Variants in TMEM132B observed in about 807,000 individuals in gnomAD.
TMEM132B encodes transmembrane protein 132B.
In TMEM132B, 18 loss-of-function variants were observed where a neutral mutation model predicts 90.8. That is an observed-to-expected ratio of 0.20 (90% CI 0.14 to 0.29). The LOEUF (loss-of-function observed/expected upper bound fraction) is 0.29, where lower values mean the gene tolerates loss of function less well. Among genes scored for constraint, TMEM132B ranks in the 10% least tolerant of loss-of-function variants. The probability of loss-of-function intolerance (pLI) is 1.00; values close to 1 mark genes in which losing one functional copy is unlikely to be tolerated. For synonymous variants in TMEM132B, 504 were observed against 523.3 expected (o/e 0.96, Z 0.50); for missense variants, 1,096 against 1,326.8 (o/e 0.83, Z 2.70).
At chr12:125,336,964 T>C (rs947027774) in intron 1 of TMEM132B, among the ~76,000 whole-genome samples, 1 of 152,180 alleles carries the variant, frequency 6.6e-6, no homozygotes, top group Non-Finnish European at 1.5e-5. Context: ...TATAACAAGG[T>C]CATCAAAATT....
intron 1 of TMEM132B, among the ~76,000 whole-genome samples, chr12:125,282,415 C>T (rs570813360): frequency 3.7e-4 from 56 of 152,304 alleles, no homozygotes; most frequent in African/African-American, 1.3e-3. Context: ...CCAACCCACC[C>T]CTGCCCTAAC....
chr12:125,293,083 G>A (rs191539448), intron 1 of TMEM132B, among the ~76,000 whole-genome samples: 2 of 152,292 alleles, frequency 1.3e-5, no homozygotes, highest in East Asian at 1.9e-4. Context: ...CTATGGGGCT[G>A]GCTCCTTTCA....
intron 5 of TMEM132B, among the ~76,000 whole-genome samples, chr12:125,603,004 A>G (rs745987762): frequency 6.6e-6 from 1 of 152,222 alleles, no homozygotes; most frequent in Non-Finnish European, 1.5e-5. Flanking sequence ...ATAGAGAGAA[A>G]CAATATCGTG....
intron 5 of TMEM132B, among the ~76,000 whole-genome samples, chr12:125,642,316 G>A (rs908135984): frequency 6.6e-6 from 1 of 152,208 alleles, no homozygotes; most frequent in African/African-American, 2.4e-5. Flanking sequence ...GCACAATGAA[G>A]CAGATTTAAC....
rs1326207856 is a variant in TMEM132B, at chr12:125,290,629, AT to A, written c.68-58821del. Among the ~76,000 whole-genome samples, 12 of 152,274 alleles carry A rather than the reference AT, an allele frequency of 7.9e-5. 1 individual carries two copies. In the East Asian group the frequency reaches 2.3e-3, roughly 29 times the overall value. ...GTGGGACTCATCTGTGCTGATCTAT[AT>A]TGCTGTAGTTTATTTCACTGCTGCA... On this transcript the variant is annotated intron_variant, in intron 1 of 8. Coordinates refer to ENST00000682704, the MANE Select transcript of TMEM132B (RefSeq NM_001366854.1).
At chr12:125,578,358 T>A (rs1171417508) in intron 4 of TMEM132B, among the ~76,000 whole-genome samples, 1 of 152,200 alleles carries the variant, frequency 6.6e-6, no homozygotes, top group Non-Finnish European at 1.5e-5. Flanking sequence ...TTCATCTTTG[T>A]GTCTGTTTTT....
intron 5 of TMEM132B, among the ~76,000 whole-genome samples, chr12:125,620,021 T>A (rs1023229304): frequency 5.3e-5 from 8 of 152,202 alleles, no homozygotes; most frequent in African/African-American, 1.9e-4. Context: ...CTGGGACTTC[T>A]GTTTAGTCAT....
chr12:125,198,607 C>T (rs983114985), intron 1 of TMEM132B, among the ~76,000 whole-genome samples: 30 of 152,180 alleles, frequency 2.0e-4, no homozygotes, highest in African/African-American at 7.2e-4. Context: ...GGAATCTGAT[C>T]GACCATACTT....
intron 3 of TMEM132B, among the ~76,000 whole-genome samples, chr12:125,514,175 G>A (rs1883048346): frequency 6.6e-6 from 1 of 152,110 alleles, no homozygotes; most frequent in African/African-American, 2.4e-5. Flanking sequence ...GTCGCTTCTT[G>A]TCTCCCAGAA....
At chr12:125,568,959 G>T (rs1884725846) in intron 4 of TMEM132B, among the ~76,000 whole-genome samples, 1 of 152,174 alleles carries the variant, frequency 6.6e-6, no homozygotes, top group Non-Finnish European at 1.5e-5. Context: ...TTCCCACCCA[G>T]TTCTCTGGGG....
intron 1 of TMEM132B, among the ~76,000 whole-genome samples, chr12:125,289,157 T>G (rs933216376): frequency 6.6e-6 from 1 of 152,218 alleles, no homozygotes; most frequent in Non-Finnish European, 1.5e-5. Flanking sequence ...TTCTGACCCC[T>G]TCCTGGCTGA....
At chr12:125,227,345 C>G (rs557080831) in intron 1 of TMEM132B, among the ~76,000 whole-genome samples, 2 of 152,206 alleles carry the variant, frequency 1.3e-5, no homozygotes, top group East Asian at 3.9e-4. Flanking sequence ...CTTCATTATC[C>G]CCATTTTATA....
intron 2 of TMEM132B, among the ~76,000 whole-genome samples, chr12:125,411,659 C>T (rs1482772067): frequency 6.6e-6 from 1 of 151,898 alleles, no homozygotes; most frequent in Non-Finnish European, 1.5e-5. Flanking sequence ...CTCCAGTTGA[C>T]CGGGGGAAGG....
intron 1 of TMEM132B, among the ~76,000 whole-genome samples, chr12:125,231,113 C>G (rs1017095667): frequency 6.6e-6 from 1 of 152,154 alleles, no homozygotes; most frequent in Non-Finnish European, 1.5e-5. Context: ...TTCCTTGCCT[C>G]TTCCAGCTCC....
At chr12:125,512,633 G>A (rs1485692583) in intron 3 of TMEM132B, among the ~76,000 whole-genome samples, 2 of 152,150 alleles carry the variant, frequency 1.3e-5, no homozygotes, top group African/African-American at 4.8e-5. Context: ...TAAAAGATAA[G>A]TCCCTGATTT....
At chr12:125,273,106 G>C (rs12309642) in intron 1 of TMEM132B, among the ~76,000 whole-genome samples, 1 of 151,598 alleles carries the variant, frequency 6.6e-6, no homozygotes, top group African/African-American at 2.4e-5. Context: ...ACAATGAATA[G>C]CCATGTACCT....
intron 3 of TMEM132B, among the ~76,000 whole-genome samples, chr12:125,449,413 G>T (rs1392237677): frequency 6.6e-6 from 1 of 152,090 alleles, no homozygotes; most frequent in Non-Finnish European, 1.5e-5. Flanking sequence ...TTTAATGTTT[G>T]CAGGATCTGT....
At chr12:125,335,854 G>A (rs1230119104) in intron 1 of TMEM132B, among the ~76,000 whole-genome samples, 1 of 152,140 alleles carries the variant, frequency 6.6e-6, no homozygotes, top group African/African-American at 2.4e-5. Context: ...AGGTGTGGTG[G>A]CAGATGCCTG....
intron 1 of TMEM132B, among the ~76,000 whole-genome samples, chr12:125,348,147 G>A (rs1167053176): frequency 1.3e-5 from 2 of 151,686 alleles, no homozygotes; most frequent in African/African-American, 2.4e-5. Context: ...GTCATATTGT[G>A]GCCATCTTTT....
Sources: allele counts gnomAD v4.1 joint callset (sites outside exome capture counted in the v4.1 genomes callset), GRCh38; gene constraint gnomAD v4.1.1; transcripts MANE v1.5; gene names NCBI Gene and HGNC (gene_info 2026-07-23, HGNC 2026-07-21).